Variants in ZBTB20 observed in about 807,000 individuals in gnomAD.
The protein encoded by ZBTB20 is zinc finger and BTB domain containing 20.
ZBTB20 carries 9 observed loss-of-function variants against 56.9 expected under a neutral mutation model. The ratio of observed to expected loss-of-function variants is 0.16; its 90% CI spans 0.10 to 0.28. The LOEUF (loss-of-function observed/expected upper bound fraction) is 0.28. Ranked by LOEUF, ZBTB20 falls within the 10% of genes least tolerant of loss-of-function variation. The probability of loss-of-function intolerance (pLI) is 1.00; values close to 1 mark genes in which losing one functional copy is unlikely to be tolerated. For missense variants in ZBTB20, 655 were observed against 1,003.0 expected (o/e 0.65, Z 4.69); for synonymous variants, 417 against 420.7 (o/e 0.99, Z 0.11).
intron 5 of ZBTB20, among the ~76,000 whole-genome samples, chr3:114,733,872 C>T (rs998736447): frequency 6.6e-6 from 1 of 152,032 alleles, no homozygotes; most frequent in African/African-American, 2.4e-5. Flanking sequence ...CCTGGACTGT[C>T]TATGTACAAT....
At chr3:114,825,918 A>G (rs2073500506) in intron 4 of ZBTB20, among the ~76,000 whole-genome samples, 1 of 151,836 alleles carries the variant, frequency 6.6e-6, no homozygotes, top group African/African-American at 2.4e-5. Flanking sequence ...CAGACTTGTC[A>G]GTATCTATGA....
chr3:114,894,761 A>T (rs931709885), intron 4 of ZBTB20, among the ~76,000 whole-genome samples: 2 of 152,172 alleles, frequency 1.3e-5, no homozygotes, highest in Non-Finnish European at 2.9e-5. Context: ...AACCTGGCTA[A>T]TAAACCTTGA....
Position 114,948,650 on chromosome 3 carries a change from T to A in ZBTB20, c.-456+25716A>T, listed in dbSNP as rs568168974. 2.7e-5 allele frequency among the ~76,000 whole-genome samples: 4 copies of A among 145,730 alleles called. 1 individual carries two copies. Among genetic ancestry groups the A allele is most frequent in the African/African-American group, 1.1e-4 (4 of 35,682 alleles). ...TCTCTCTGTGTCATAGATAGATAGA[T>A]AGATAGATATGAATTGTTTTCTTAT... is the stretch of plus-strand genomic sequence containing the variant. On this transcript the variant is annotated intron_variant, in intron 3 of 11. Coordinates refer to ENST00000675478, the MANE Select transcript of ZBTB20 (RefSeq NM_001348800.3).
chr3:114,642,518 C>A (rs1180407514), intron 6 of ZBTB20, among the ~76,000 whole-genome samples: 1 of 151,974 alleles, frequency 6.6e-6, no homozygotes, highest in East Asian at 1.9e-4. Flanking sequence ...AGAAATAGAG[C>A]ATACTGATAT....
chr3:114,717,890 T>C (rs1251546492), intron 5 of ZBTB20, among the ~76,000 whole-genome samples: 2 of 152,174 alleles, frequency 1.3e-5, no homozygotes, highest in South Asian at 2.1e-4. Context: ...TAATATCTTT[T>C]GGGATACCCC....
chr3:114,935,999 C>T (rs2076521807), intron 3 of ZBTB20, among the ~76,000 whole-genome samples: 1 of 151,992 alleles, frequency 6.6e-6, no homozygotes, highest in Non-Finnish European at 1.5e-5. Flanking sequence ...CAATAAATGG[C>T]TTTATTCTTG....
chr3:114,373,653 A>G (rs1264331084), intron 10 of ZBTB20, among the ~76,000 whole-genome samples: 1 of 151,782 alleles, frequency 6.6e-6, no homozygotes, highest in Non-Finnish European at 1.5e-5. Context: ...TTTTGTGCAT[A>G]CTGGAACACT....
At chr3:114,696,805 G>C (rs186754327) in intron 5 of ZBTB20, among the ~76,000 whole-genome samples, 1 of 152,012 alleles carries the variant, frequency 6.6e-6, no homozygotes, top group Non-Finnish European at 1.5e-5. Flanking sequence ...CAGAAAGAGC[G>C]AGAGAAAAAG....
At chr3:114,875,239 AAAT>A (rs897256124) in intron 4 of ZBTB20, among the ~76,000 whole-genome samples, 13 of 152,274 alleles carry the variant, frequency 8.5e-5, no homozygotes, top group Admixed American at 1.3e-4. Flanking sequence ...AATTAAAAAG[AAAT>A]AATAATAATA....
At chr3:114,499,891 T>G (rs1201464922) in intron 7 of ZBTB20, among the ~76,000 whole-genome samples, 1 of 152,188 alleles carries the variant, frequency 6.6e-6, no homozygotes, top group African/African-American at 2.4e-5. Context: ...CTTGTACTTC[T>G]TAGTAAAGGG....
At chr3:114,690,069 T>A (rs1473107150) in intron 6 of ZBTB20, among the ~76,000 whole-genome samples, 1 of 152,202 alleles carries the variant, frequency 6.6e-6, no homozygotes. Context: ...AAATTTTATA[T>A]ATGCTCTCTG....
intron 6 of ZBTB20, among the ~76,000 whole-genome samples, chr3:114,661,486 C>G (rs923755535): frequency 1.3e-5 from 2 of 152,146 alleles, no homozygotes; most frequent in Non-Finnish European, 2.9e-5. Context: ...TATTTTCAAG[C>G]TGGATTTTGC....
rs537253718 is a variant in ZBTB20 at position 114,479,572 on chromosome 3, G to A, written c.-255+20780C>T. Among the ~76,000 whole-genome samples the A allele has an allele frequency of 2.6e-5, 4 of 152,222 alleles. No homozygotes were observed. The East Asian group carries it at 7.7e-4, about 29-fold the overall frequency. On this transcript the variant is annotated intron_variant, in intron 7 of 11. Coordinates refer to ENST00000675478, the MANE Select transcript of ZBTB20 (RefSeq NM_001348800.3). ...CAAGCTGTATTTCCATATTTGTATT[G>A]TCCAACCTATTTTCTTTTTTCTTAT...
intron 3 of ZBTB20, among the ~76,000 whole-genome samples, chr3:114,922,232 T>C (rs1376365991): frequency 6.6e-6 from 1 of 152,120 alleles, no homozygotes; most frequent in Non-Finnish European, 1.5e-5. Flanking sequence ...TCATACTCAG[T>C]GGTGAAAAGC....
At position 114,380,359 on chromosome 3, in the gene ZBTB20, A is replaced by T. The variant is rs768597485; in HGVS notation, c.57T>A (p.Asn19Lys). The T allele has an allele frequency of 2.0e-6, 3 of 1,535,910 alleles. No individual in the cohort carries two copies. In the Admixed American group the frequency reaches 5.9e-5, roughly 30 times the overall value. ...TGGATCCACCCGGCTGAGTAATCTC[A>T]TTCTCCTCAGATGCCTTCTGGTTTT... ...TAENQKASEE[N>K]EITQPGGSSA... is the part of the protein sequence containing the mutation. Residue 19 changes from asparagine to lysine, a missense_variant, in exon 10 of 12, where the codon AAT becomes AAA. Asn to Lys is a moderately conservative substitution (Grantham distance 94). Coordinates refer to ENST00000675478, the MANE Select transcript of ZBTB20 (RefSeq NM_001348800.3).
chr3:114,542,554 G>A (rs1212617077), intron 6 of ZBTB20, among the ~76,000 whole-genome samples: 1 of 152,138 alleles, frequency 6.6e-6, no homozygotes, highest in Non-Finnish European at 1.5e-5. Context: ...GGAGGGGCTG[G>A]GGAAGGGAGA....
At chr3:114,408,778 T>A (rs745674245) in intron 7 of ZBTB20, among the ~76,000 whole-genome samples, 3 of 152,076 alleles carry the variant, frequency 2.0e-5, no homozygotes, top group Admixed American at 1.3e-4. Flanking sequence ...CTTTTTCTTT[T>A]AAAAATTACT....
At chr3:114,630,819 G>A (rs2058897714) in intron 6 of ZBTB20, among the ~76,000 whole-genome samples, 1 of 152,190 alleles carries the variant, frequency 6.6e-6, no homozygotes, top group African/African-American at 2.4e-5. Flanking sequence ...ACATTTGGAA[G>A]GAGGCAATGG....
intron 7 of ZBTB20, among the ~76,000 whole-genome samples, chr3:114,392,731 C>A (rs1288260573): frequency 6.6e-6 from 1 of 152,144 alleles, no homozygotes; most frequent in African/African-American, 2.4e-5. Context: ...AATGCATAGA[C>A]AATTGCCTCT....
Sources: gnomAD v4.1 joint callset for allele counts (sites outside exome capture counted in the v4.1 genomes callset) on GRCh38, gnomAD v4.1.1 for gene constraint, MANE v1.5 for transcripts, NCBI Gene and HGNC (gene_info 2026-07-23, HGNC 2026-07-21) for gene names.